Variants in ELMOD3 observed in about 807,000 individuals in gnomAD.
The protein encoded by ELMOD3 is ELMO domain containing 3, also known as ELMO domain-containing protein 3.
In ELMOD3, 36 loss-of-function variants were observed where a neutral mutation model predicts 47.4. The observed-to-expected ratio is 0.76, with a 90% CI of 0.58 to 1.00. The LOEUF is 1.00. ELMOD3 is among the 50% of genes least tolerant of loss of function. The pLI is 0.00. For missense variants in ELMOD3, 404 were observed against 463.8 expected, an observed-to-expected ratio of 0.87 and a Z score of 1.18; for synonymous variants, 149 against 183.5, an observed-to-expected ratio of 0.81 and a Z score of 1.52.
intron 11 of ELMOD3, among the ~76,000 whole-genome samples, chr2:85,379,129 T>A (rs1685370695): frequency 6.6e-6 from 1 of 152,216 alleles, no homozygotes; most frequent in Non-Finnish European, 1.5e-5. Context: ...AAGTACGGCT[T>A]AATTTTCAGT....
rs1447254631 is a variant in ELMOD3 at position 85,354,773 on chromosome 2, G to A, written c.-428G>A. On this transcript the variant is annotated 5_prime_UTR_variant, in exon 1 of 14. Coordinates refer to ENST00000409013, the MANE Select transcript of ELMOD3 (RefSeq NM_001135022.2). ...GGCACGGAAGCGGCTGTGCGCATGA[G>A]CAGATGAGGCCTAGCCGAGGCGGCG... 4.9e-6 allele frequency: 2 copies of A among 411,938 alleles called. No homozygotes were observed. Among genetic ancestry groups the A allele is most frequent in the Non-Finnish European group, 8.7e-6 (2 of 229,030 alleles). 25.5% of individuals were successfully genotyped at this position (411,938 alleles called of 1,614,324 possible).
At chr2:85,382,763 G>A (rs993460239) in intron 11 of ELMOD3, among the ~76,000 whole-genome samples, 1 of 152,006 alleles carries the variant, frequency 6.6e-6, no homozygotes, top group Non-Finnish European at 1.5e-5. Flanking sequence ...TGATCCACAC[G>A]CCTTGGCCTC....
chr2:85,368,772 G>A lies in ELMOD3; in HGVS notation c.268+18G>A, dbSNP rs1157511446. ...AGAGACAGGTAACTGTACGAATGCTGCTGTCTCCCCATAGCCCCTCTGCCA... is the reference window on the plus strand; with the variant it reads ...AGAGACAGGTAACTGTACGAATGCTACTGTCTCCCCATAGCCCCTCTGCCA... On this transcript the variant is annotated intron_variant, in intron 7 of 13. Transcript: ENST00000409013. 1 of 1,613,784 alleles carries A rather than the reference G, an allele frequency of 6.2e-7. No individual in the cohort carries two copies. The highest frequency in any genetic ancestry group is 1.3e-5 in the African/African-American group (1 of 74,938).
In ELMOD3 at chr2:85,389,733, G is replaced by C; in HGVS notation, c.739-18G>C. The C allele has an allele frequency of 6.2e-7, 1 of 1,612,822 alleles. No homozygotes were observed. The highest frequency in any genetic ancestry group is 8.5e-7 in the Non-Finnish European group (1 of 1,178,930). On this transcript the variant is annotated intron_variant, in intron 11 of 13. Transcript: ENST00000409013. ...TGAGAGCTGGAGTTGCTGCTGACTG[G>C]GTGCCCCTCCATTCCAGCAATTCCC...
intron 10 of ELMOD3, among the ~76,000 whole-genome samples, chr2:85,373,092 T>A (rs1261326973): frequency 6.6e-6 from 1 of 151,430 alleles, no homozygotes; most frequent in Non-Finnish European, 1.5e-5. Context: ...CCATCTCTAC[T>A]AAAAATATAT....
chr2:85,366,613 G>A (rs1306484129), intron 6 of ELMOD3, among the ~76,000 whole-genome samples: 1 of 152,238 alleles, frequency 6.6e-6, no homozygotes, highest in Non-Finnish European at 1.5e-5. Context: ...AGGGGTTACA[G>A]ATGATAAGTA....
At chr2:85,358,296 A>C (rs1683705654) in intron 4 of ELMOD3, among the ~76,000 whole-genome samples, 1 of 151,974 alleles carries the variant, frequency 6.6e-6, no homozygotes, top group African/African-American at 2.4e-5. Context: ...AAAAAAAAAA[A>C]AAATGAAAAA....
At chr2:85,386,893 C>T (rs1315659715) in intron 11 of ELMOD3, among the ~76,000 whole-genome samples, 1 of 152,082 alleles carries the variant, frequency 6.6e-6, no homozygotes, top group Non-Finnish European at 1.5e-5. Flanking sequence ...ATCCCAGCTA[C>T]TCGGGAGGCT....
chr2:85,359,771 A>G (rs967211735), intron 4 of ELMOD3, among the ~76,000 whole-genome samples: 8 of 151,716 alleles, frequency 5.3e-5, no homozygotes, highest in Non-Finnish European at 1.2e-4. Context: ...TTTTGTTTTA[A>G]TGAGTGAGGT....
chr2:85,358,771 A>G (rs1683736608), intron 4 of ELMOD3, among the ~76,000 whole-genome samples: 1 of 152,048 alleles, frequency 6.6e-6, no homozygotes, highest in African/African-American at 2.4e-5. Context: ...ATGGTTCAAA[A>G]TGCAAAAAGT....
chr2:85,386,441 A>G (rs1232597165), intron 11 of ELMOD3, among the ~76,000 whole-genome samples: 2 of 125,050 alleles, frequency 1.6e-5, no homozygotes, highest in Non-Finnish European at 3.1e-5. Flanking sequence ...GCTAGAATGC[A>G]TGGCACAATC....
chr2:85,363,172 G>T lies in ELMOD3; in HGVS notation c.199+6G>T. The T allele has an allele frequency of 6.3e-7, 1 of 1,587,436 alleles. No individual in the cohort carries two copies. Among genetic ancestry groups the T allele is most frequent in the Non-Finnish European group, 8.6e-7 (1 of 1,156,240 alleles). On this transcript the variant is annotated splice_donor_region_variant and intron_variant, in intron 6 of 13. Coordinates refer to ENST00000409013, the MANE Select transcript of ELMOD3 (RefSeq NM_001135022.2). Reference sequence around the variant, plus strand: ...TTATGAATGGGAGCCACGTGGTAAGGTTCCCTTCAGGGCCCTTGGAGTCTG... The same window carrying T: ...TTATGAATGGGAGCCACGTGGTAAGTTTCCCTTCAGGGCCCTTGGAGTCTG...
In ELMOD3 at chr2:85,390,159, G is replaced by A. The variant is rs138095100; in HGVS notation, c.837G>A (p.Lys279=). ...GCAGAGAGTGTAATCGGCAGCAGAA[G>A]GTCATCCCCGTGGTGAACAGCTTCT... is the stretch of plus-strand genomic sequence containing the variant. ...CLSRECNRQQ[K]VIPVVNSFYA... is the part of the protein sequence containing the mutation. Residue 279 remains lysine (K), a synonymous_variant, in exon 13 of 14, where the codon AAG becomes AAA. Transcript: ENST00000409013. 1.3e-4 allele frequency: 211 copies of A among 1,614,052 alleles called. 1 individual carries two copies. Among genetic ancestry groups the A allele is most frequent in the Middle Eastern group, 1.6e-4 (1 of 6,084 alleles).
intron 10 of ELMOD3, among the ~76,000 whole-genome samples, 181 bp from the exon 11 acceptor site, chr2:85,377,163 T>C (rs2104646300): frequency 6.6e-6 from 1 of 152,344 alleles, no homozygotes; most frequent in Middle Eastern, 3.4e-3. Context: ...GGGGTCCCCA[T>C]TTGGTGCATA....
chr2:85,356,880 CAA>C (rs759699457), intron 3 of ELMOD3, 85 bp from the exon 4 acceptor site: 322 of 139,576 alleles, frequency 2.3e-3, no homozygotes, highest in Middle Eastern at 0.016. Context: ...GACTCCAACT[CAA>C]AAAAAAAAAA....
chr2:85,380,117 A>G (rs1357324309), intron 11 of ELMOD3, among the ~76,000 whole-genome samples: 2 of 152,218 alleles, frequency 1.3e-5, no homozygotes, highest in Admixed American at 6.5e-5. Context: ...GTTGTGTCCT[A>G]TTAGCAGTGA....
chr2:85,368,472 C>G (rs1051533311), intron 6 of ELMOD3: 10 of 535,998 alleles, frequency 1.9e-5, no homozygotes, highest in Non-Finnish European at 3.3e-5. Flanking sequence ...AAAACTGGCC[C>G]AGGTCAGAAA....
At chr2:85,380,463 T>C (rs188826815) in intron 11 of ELMOD3, among the ~76,000 whole-genome samples, 2 of 152,340 alleles carry the variant, frequency 1.3e-5, no homozygotes, top group East Asian at 3.9e-4. Flanking sequence ...GATGTCACAA[T>C]CTCCAAAGTT....
At chr2:85,366,124 A>ATTTTTTTTTTTTTT (rs566714087) in intron 6 of ELMOD3, among the ~76,000 whole-genome samples, 1 of 135,610 alleles carries the variant, frequency 7.4e-6, no homozygotes. Flanking sequence ...TACCCAGCTA[A>ATTTTTTTTTTTTTT]TTTTTTTTTT....
Sources: gnomAD v4.1 joint callset for allele counts (sites outside exome capture counted in the v4.1 genomes callset) on GRCh38, gnomAD v4.1.1 for gene constraint, MANE v1.5 for transcripts, NCBI Gene and HGNC (gene_info 2026-07-23, HGNC 2026-07-21) for gene names.